The following SOX5 variants were observed in gnomAD, a reference collection of about 807,000 sequenced individuals.
SOX5 encodes the protein SRY-box transcription factor 5, also known as transcription factor SOX-5.
Under a neutral mutation model 92.0 loss-of-function variants are expected in SOX5, and 9 were observed. The ratio of observed to expected loss-of-function variants is 0.10; its 90% confidence interval spans 0.06 to 0.17. The LOEUF (loss-of-function observed/expected upper bound fraction) is 0.17. Among genes scored for constraint, SOX5 ranks in the 10% least tolerant of loss-of-function variants. The probability of loss-of-function intolerance (pLI) is 1.00; values close to 1 mark genes in which losing one functional copy is unlikely to be tolerated. For missense variants in SOX5, 642 were observed against 944.5 expected (o/e 0.68, Z 4.20); for synonymous variants, 344 against 336.3 (o/e 1.02, Z -0.25).
At chr12:24,186,907 T>C (rs1056170296) in intron 4 of SOX5, among the ~76,000 whole-genome samples, 3 of 146,886 alleles carry the variant, frequency 2.0e-5, no homozygotes, top group South Asian at 2.2e-4. Flanking sequence ...ACAAAATGCT[T>C]TTGTAAAAAA....
chr12:23,761,919 C>T (rs1319838555), intron 3 of SOX5, among the ~76,000 whole-genome samples: 6 of 151,748 alleles, frequency 4.0e-5, no homozygotes, highest in African/African-American at 1.2e-4. Context: ...TTTATTTAAC[C>T]GAATTTATTT....
intron 1 of SOX5, among the ~76,000 whole-genome samples, chr12:23,933,638 A>T (rs1941924470): frequency 6.6e-6 from 1 of 151,618 alleles, no homozygotes; most frequent in African/African-American, 2.4e-5. Context: ...ATGGATCAGA[A>T]CAGTAAATAT....
chr12:23,835,529 A>G (rs1004825446), intron 3 of SOX5, among the ~76,000 whole-genome samples: 3 of 151,708 alleles, frequency 2.0e-5, no homozygotes, highest in Non-Finnish European at 3.0e-5. Flanking sequence ...TTCTTAAGGT[A>G]CCCTCCAAGG....
At chr12:23,625,139 A>C (rs1403208119) in intron 8 of SOX5, among the ~76,000 whole-genome samples, 1 of 152,198 alleles carries the variant, frequency 6.6e-6, no homozygotes, top group African/African-American at 2.4e-5. Flanking sequence ...TAAACAAACA[A>C]AGTGTAAAGC....
chr12:23,866,122 A>G (rs1432328078), intron 2 of SOX5, among the ~76,000 whole-genome samples: 1 of 152,240 alleles, frequency 6.6e-6, no homozygotes, highest in African/African-American at 2.4e-5. Flanking sequence ...CAAAGTATTT[A>G]GAACATTCCA....
At chr12:24,430,842 G>A (rs1444157905) in intron 1 of SOX5, among the ~76,000 whole-genome samples, 5 of 151,982 alleles carry the variant, frequency 3.3e-5, no homozygotes, top group African/African-American at 7.3e-5. Context: ...CAGTAGAGAC[G>A]GTTCTGCCAC....
intron 3 of SOX5, among the ~76,000 whole-genome samples, chr12:23,827,330 T>C (rs971880021): frequency 6.6e-6 from 1 of 152,190 alleles, no homozygotes; most frequent in East Asian, 1.9e-4. Flanking sequence ...TCAAAAATTA[T>C]TTTACATAGA....
chr12:24,361,350 G>A (rs1955532019), intron 2 of SOX5, among the ~76,000 whole-genome samples: 1 of 152,134 alleles, frequency 6.6e-6, no homozygotes, highest in Non-Finnish European at 1.5e-5. Context: ...CTGCCTGGGT[G>A]TGAATCCCGC....
chr12:24,550,885 A>G (rs937039038), intron 1 of SOX5, among the ~76,000 whole-genome samples: 1 of 152,216 alleles, frequency 6.6e-6, no homozygotes, highest in South Asian at 2.1e-4. Flanking sequence ...TTAACATTAC[A>G]CTGCTTGAAT....
intron 3 of SOX5, among the ~76,000 whole-genome samples, chr12:23,765,795 C>T (rs2141414154): frequency 6.6e-6 from 1 of 152,184 alleles, no homozygotes; most frequent in South Asian, 2.1e-4. Context: ...TGCATGCTCA[C>T]ATACACAGAC....
intron 1 of SOX5, among the ~76,000 whole-genome samples, chr12:23,900,865 C>A (rs1454065159): frequency 8.6e-5 from 13 of 151,986 alleles, no homozygotes; most frequent in Non-Finnish European, 1.8e-4. Flanking sequence ...GAGGCTGAGG[C>A]AGGGGAATCA....
chr12:24,001,678 G>A (rs1409352771), intron 4 of SOX5, among the ~76,000 whole-genome samples: 1 of 152,096 alleles, frequency 6.6e-6, no homozygotes, highest in Non-Finnish European at 1.5e-5. Flanking sequence ...AAATGCATTT[G>A]TAATCTGTAC....
In SOX5 at chr12:24,129,973, GT is replaced by G. The variant is rs149563763; in HGVS notation, c.-2+83369del. Among the ~76,000 whole-genome samples, 771 of 152,246 alleles carry G rather than the reference GT, an allele frequency of 5.1e-3. 8 individuals are homozygous for G. The highest frequency in any genetic ancestry group is 0.017 in the African/African-American group (717 of 41,528). On this transcript the variant is annotated intron_variant, in intron 4 of 4. Transcript: ENST00000446891. Reference sequence around the variant, plus strand: ...AAAAACTCAAACTAAAAATGCACATGTGTGCTTGTGTGTACATGCCTGCATG... The same window carrying G: ...AAAAACTCAAACTAAAAATGCACATGGTGCTTGTGTGTACATGCCTGCATG...
chr12:24,533,266 A>G (rs1260036952), intron 1 of SOX5, among the ~76,000 whole-genome samples: 1 of 152,160 alleles, frequency 6.6e-6, no homozygotes, highest in Non-Finnish European at 1.5e-5. Context: ...AATTCCCTAA[A>G]TGAGTTAGAC....
At chr12:24,290,763 G>T (rs1946532609) in intron 2 of SOX5, among the ~76,000 whole-genome samples, 1 of 152,182 alleles carries the variant, frequency 6.6e-6, no homozygotes, top group Non-Finnish European at 1.5e-5. Context: ...GGCTTTGTTG[G>T]AGTATGCACA....
chr12:24,336,226 C>G (rs944353319), intron 2 of SOX5, among the ~76,000 whole-genome samples: 14 of 151,680 alleles, frequency 9.2e-5, no homozygotes, highest in African/African-American at 3.4e-4. Flanking sequence ...CCCTGAGTAG[C>G]TGGGACCACA....
intron 3 of SOX5, among the ~76,000 whole-genome samples, chr12:23,842,489 G>C (rs1182013432): frequency 1.3e-5 from 2 of 152,088 alleles, no homozygotes; most frequent in Non-Finnish European, 2.9e-5. Context: ...GGCCCTCAAA[G>C]GAACGATACG....
intron 2 of SOX5, among the ~76,000 whole-genome samples, chr12:24,354,579 C>G (rs537988549): frequency 8.5e-5 from 13 of 152,282 alleles, no homozygotes; most frequent in Admixed American, 3.3e-4. Context: ...GAGGATATTC[C>G]AGAATCCAGG....
intron 1 of SOX5, among the ~76,000 whole-genome samples, chr12:24,415,656 C>T (rs1964900711): frequency 6.6e-6 from 1 of 152,156 alleles, no homozygotes; most frequent in Non-Finnish European, 1.5e-5. Context: ...ATTCAAGCCC[C>T]CTCTATAAAT....
Sources: gnomAD v4.1 joint callset for allele counts (sites outside exome capture counted in the v4.1 genomes callset) on GRCh38, gnomAD v4.1.1 for gene constraint, MANE v1.5 for transcripts, NCBI Gene and HGNC (gene_info 2026-07-23, HGNC 2026-07-21) for gene names.